FOXI1: variants seen among roughly 807,000 people sequenced by gnomAD.
FOXI1 encodes the protein forkhead box I1, also known as forkhead box protein I1.
FOXI1 carries 11 observed loss-of-function variants against 16.4 expected under a neutral mutation model. The observed-to-expected ratio is 0.67, with a 90% confidence interval of 0.42 to 1.11. The LOEUF is 1.11. Ranked by LOEUF, FOXI1 falls within the 50% of genes least tolerant of loss-of-function variation. The probability of loss-of-function intolerance (pLI) is 0.00; values close to 1 mark genes in which losing one functional copy is unlikely to be tolerated. For synonymous variants in FOXI1, 218 were observed against 211.5 expected, an observed-to-expected ratio of 1.03 and a Z score of -0.27; for missense variants, 480 against 506.1, an observed-to-expected ratio of 0.95 and a Z score of 0.49.
Position 170,106,131 on chromosome 5 carries a change from C to T in FOXI1, c.174C>T (p.Thr58=). 6.2e-7 allele frequency: 1 copy of T among 1,611,236 alleles called. No homozygotes were observed. Among genetic ancestry groups the T allele is most frequent in the Middle Eastern group, 1.7e-4 (1 of 6,052 alleles). ...SFEGGGEYGA[T]PNPYLWFNGP... is the part of the protein sequence containing the mutation. Reference sequence around the variant, plus strand: ...AGGGGGGCGGCGAGTATGGGGCCACCCCCAACCCCTACCTCTGGTTCAACG... The same window carrying T: ...AGGGGGGCGGCGAGTATGGGGCCACTCCCAACCCCTACCTCTGGTTCAACG... The change falls in exon 1 of 2, where the codon ACC becomes ACT. Residue 58 remains threonine (T), a synonymous_variant. Transcript: ENST00000306268.
rs775439463 is a variant in FOXI1 at position 170,106,552 on chromosome 5, G to C, written c.574+21G>C. ...CCCGGGTAAGGAGGCTTTGAGTGTG[G>C]GGGGTGTCCCCAAGGAAGACTCACT... On this transcript the variant is annotated intron_variant, in intron 1 of 1. Transcript: ENST00000306268. The C allele has an allele frequency of 4.3e-6, 7 of 1,614,076 alleles. No individual in the cohort carries two copies. In the East Asian group the frequency reaches 1.6e-4, roughly 36 times the overall value.
At chr5:170,107,888 G>A (rs1758540631) in intron 1 of FOXI1, among the ~76,000 whole-genome samples, 161 bp from the exon 2 acceptor site, 1 of 152,200 alleles carries the variant, frequency 6.6e-6, no homozygotes, top group African/African-American at 2.4e-5. Context: ...GAGGTGGTGT[G>A]GTTCATCAGT....
In FOXI1 at chr5:170,109,603, C is replaced by A. The variant is rs1235674320; in HGVS notation, c.*992C>A. 6.6e-6 allele frequency: 1 copy of A among 152,088 alleles called. No individual in the cohort carries two copies. Among genetic ancestry groups the A allele is most frequent in the Non-Finnish European group, 1.5e-5 (1 of 68,032 alleles). The allele number at this position is 152,088 out of a possible 1,614,324, so 9.4% of individuals were successfully genotyped here. On this transcript the variant is annotated 3_prime_UTR_variant, in exon 2 of 2. Transcript: ENST00000306268. ...GAAAACAATGGCCTCAAGGGAGGGG[C>A]CTTGGGCCCACCCTCACAGGGGGTC...
chr5:170,105,925 C>T lies in FOXI1; in HGVS notation c.-33C>T, dbSNP rs904407958. On this transcript the variant is annotated 5_prime_UTR_variant, in exon 1 of 2. Coordinates refer to ENST00000306268, the MANE Select transcript of FOXI1 (RefSeq NM_012188.5). The stretch of plus-strand genomic sequence containing the variant: ...AGGGGCAGCTCCGGGGTGCAGGTGC[C>T]AGGCAGGTGGCTCCGGCCAGCCCAG... The T allele has an allele frequency of 5.2e-6, 8 of 1,526,806 alleles. No homozygotes were observed. Among genetic ancestry groups the T allele is most frequent in the South Asian group, 3.4e-5 (3 of 87,840 alleles). The allele number at this position is 1,526,806 out of a possible 1,614,324, so 94.6% of individuals were successfully genotyped here. A position where few individuals can be genotyped will look rare whatever the true frequency, so the allele number is the denominator to read the frequency against.
rs961021431 is a variant in FOXI1, at chr5:170,109,542, T to TC, written c.*931_*932insC. On this transcript the variant is annotated 3_prime_UTR_variant, in exon 2 of 2. Transcript: ENST00000306268. ...GAAACAAGGTTGGATAAGCGCTTCC[T>TC]TTTTTTTAGCCCAGGAGAGGTGGAT... 1 of 82,154 alleles carries TC rather than the reference T, an allele frequency of 1.2e-5. No individual in the cohort carries two copies. The highest frequency in any genetic ancestry group is 1.0e-4 in the African/African-American group (1 of 9,722). 5.1% of individuals were successfully genotyped at this position (82,154 alleles called of 1,614,324 possible).
chr5:170,106,328 C>A lies in FOXI1; in HGVS notation c.371C>A (p.Pro124Gln). ...GAGGAGCTGATGAAGCTGGTGCGGC[C>A]ACCCTATTCCTACTCGGCTCTCATC... Reference protein sequence around the residue: ...SQEELMKLVRPPYSYSALIAM... With the variant: ...SQEELMKLVRQPYSYSALIAM... Residue 124 changes from proline to glutamine, a missense_variant, in exon 1 of 2, where the codon CCA (proline) becomes CAA (glutamine). Physicochemically the swap from Pro to Gln is moderately conservative, Grantham distance 76. Transcript: ENST00000306268. 1 of 1,602,244 alleles carries A rather than the reference C, an allele frequency of 6.2e-7. No homozygotes were observed. Among genetic ancestry groups the A allele is most frequent in the Non-Finnish European group, 8.5e-7 (1 of 1,174,196 alleles).
chr5:170,106,263 TG>T lies in FOXI1; in HGVS notation c.312del (p.Ser105AlafsTer14). The T allele has an allele frequency of 1.9e-6, 3 of 1,580,626 alleles. No individual in the cohort carries two copies. Among genetic ancestry groups the T allele is most frequent in the East Asian group, 2.4e-5 (1 of 42,414 alleles). ...CGCTGCTGCCCAGCGTGTCGGGGCT[TG>T]GGGGGAGCGACCTGGGCTGGCTGCC... ...RPLLPSVSGL[G>X]GSDLGWLPIP... On this transcript the variant is annotated frameshift_variant, in exon 1 of 2. Transcript: ENST00000306268. LOFTEE classifies it high-confidence loss of function.
In FOXI1 at chr5:170,106,265, G is replaced by T. The variant is rs370450076; in HGVS notation, c.308G>T (p.Gly103Val). 3.2e-5 allele frequency: 50 copies of T among 1,580,742 alleles called. No individual in the cohort carries two copies. Among genetic ancestry groups the T allele is most frequent in the African/African-American group, 8.1e-5 (6 of 74,048 alleles). ...CTGCTGCCCAGCGTGTCGGGGCTTGGGGGGAGCGACCTGGGCTGGCTGCCC... is the reference window on the plus strand; with the variant it reads ...CTGCTGCCCAGCGTGTCGGGGCTTGTGGGGAGCGACCTGGGCTGGCTGCCC... ...RPLLPSVSGLGGSDLGWLPIP... is the reference protein window; with the variant it reads ...RPLLPSVSGLVGSDLGWLPIP... The change falls in exon 1 of 2, where the codon GGG becomes GTG. Residue 103 changes from glycine (G) to valine (V), a missense_variant. By Grantham distance (109) the Gly-to-Val change is moderately radical (BLOSUM62 -3). Transcript: ENST00000306268.
In FOXI1 at chr5:170,108,030, C is replaced by G; in HGVS notation, c.575-19C>G. On this transcript the variant is annotated intron_variant, in intron 1 of 1. Transcript: ENST00000306268. ...ATTTTGTCCACCTCTCTATTTACCC[C>G]CTTTCACTTTTGTATCAGGCAAAGG... is the stretch of plus-strand genomic sequence containing the variant. 1.3e-6 allele frequency: 2 copies of G among 1,591,922 alleles called. No homozygotes were observed. The highest frequency in any genetic ancestry group is 1.7e-6 in the Non-Finnish European group (2 of 1,160,116).
At chr5:170,107,937 T>C in intron 1 of FOXI1, 112 bp from the exon 2 acceptor site, 1 of 818,478 alleles carries the variant, frequency 1.2e-6, no homozygotes, top group Non-Finnish European at 2.1e-6. Context: ...TGCCTGTCGG[T>C]CTCTGTCTTC....
In FOXI1 at chr5:170,106,030, C is replaced by A. The variant is rs762176954; in HGVS notation, c.73C>A (p.Pro25Thr). 6.2e-7 allele frequency: 1 copy of A among 1,611,762 alleles called. No homozygotes were observed. Among genetic ancestry groups the A allele is most frequent in the Non-Finnish European group, 8.5e-7 (1 of 1,178,322 alleles). ...SPQFPSIGQEPPEMNLYYENF... is the reference protein window; with the variant it reads ...SPQFPSIGQETPEMNLYYENF... Reference sequence around the variant, plus strand: ...CCAGTTCCCCAGCATCGGCCAGGAGCCCCCCGAGATGAACCTCTACTATGA... The same window carrying A: ...CCAGTTCCCCAGCATCGGCCAGGAGACCCCCGAGATGAACCTCTACTATGA... The change falls in exon 1 of 2, where the codon CCC (proline) becomes ACC (threonine). Residue 25 changes from proline (P) to threonine (T), a missense_variant. By Grantham distance (38) the Pro-to-Thr change is conservative. Transcript: ENST00000306268.
chr5:170,107,445 C>T (rs1478757805), intron 1 of FOXI1, among the ~76,000 whole-genome samples: 1 of 152,212 alleles, frequency 6.6e-6, no homozygotes, highest in East Asian at 1.9e-4. Flanking sequence ...TGCCATCACC[C>T]TCAGGCTGAG....
intron 1 of FOXI1, 82 bp downstream of exon 1, chr5:170,106,613 G>T: frequency 6.4e-7 from 1 of 1,567,232 alleles, no homozygotes; most frequent in Non-Finnish European, 8.7e-7. Context: ...AGAAAGTTCT[G>T]ACTAGGGCTG....
In FOXI1 at chr5:170,106,038, G is replaced by A; in HGVS notation, c.81G>A (p.Glu27=). 1.2e-6 allele frequency: 2 copies of A among 1,612,734 alleles called. No homozygotes were observed. The highest frequency in any genetic ancestry group is 1.7e-6 in the Non-Finnish European group (2 of 1,178,988). Residue 27 remains glutamate (E), a synonymous_variant, in exon 1 of 2, where the codon GAG becomes GAA. Coordinates refer to ENST00000306268, the MANE Select transcript of FOXI1 (RefSeq NM_012188.5). The part of the protein sequence containing the change: ...QFPSIGQEPP[E]MNLYYENFFH... ...CCAGCATCGGCCAGGAGCCCCCCGAGATGAACCTCTACTATGAGAACTTCT... is the reference window on the plus strand; with the variant it reads ...CCAGCATCGGCCAGGAGCCCCCCGAAATGAACCTCTACTATGAGAACTTCT...
chr5:170,106,605 A>G, intron 1 of FOXI1, 74 bp downstream of exon 1: 2 of 1,583,498 alleles, frequency 1.3e-6, no homozygotes, highest in Non-Finnish European at 8.6e-7. Flanking sequence ...CCCATTCTAG[A>G]AAGTTCTGAC....
Position 170,106,525 on chromosome 5 carries a change from G to A in FOXI1, c.568G>A (p.Asp190Asn), listed in dbSNP as rs886060398. The change falls in exon 1 of 2, where the codon GAC becomes AAC. Residue 190 changes from aspartate (D) to asparagine (N), a missense_variant. Physicochemically the swap from Asp to Asn is conservative, Grantham distance 23. This residue lies in a region of FOXI1 where 257 missense variants were observed against 262.2 expected (regional missense o/e 0.98). Coordinates refer to ENST00000306268, the MANE Select transcript of FOXI1 (RefSeq NM_012188.5). ...CFKKVPRDED[D>N]PGKGNYWTLD... is the part of the protein sequence containing the mutation. The stretch of plus-strand genomic sequence containing the variant: ...CAAGAAGGTGCCCCGCGACGAGGAC[G>A]ACCCGGGTAAGGAGGCTTTGAGTGT... The A allele has an allele frequency of 1.9e-6, 3 of 1,614,250 alleles. No homozygotes were observed. Among genetic ancestry groups the A allele is most frequent in the East Asian group, 4.5e-5 (2 of 44,878 alleles).
Position 170,108,339 on chromosome 5 carries a change from G to C in FOXI1, c.865G>C (p.Val289Leu), listed in dbSNP as rs914091084. Residue 289 changes from valine to leucine, a missense_variant, in exon 2 of 2, where the codon GTG becomes CTG. Coordinates refer to ENST00000306268, the MANE Select transcript of FOXI1 (RefSeq NM_012188.5). ...NSFLSSMTAYVSGGSPTSHPL... is the reference protein window; with the variant it reads ...NSFLSSMTAYLSGGSPTSHPL... ...CTTCCTTTCCTCTATGACAGCCTAT[G>C]TGAGCGGGGGGAGCCCCACGAGCCA... The C allele has an allele frequency of 6.2e-7, 1 of 1,614,184 alleles. No individual in the cohort carries two copies. The highest frequency in any genetic ancestry group is 8.5e-7 in the Non-Finnish European group (1 of 1,180,026).
Position 170,107,996 on chromosome 5 carries a change from A to G in FOXI1, c.575-53A>G, listed in dbSNP as rs936804450. The G allele has an allele frequency of 1.2e-5, 17 of 1,412,212 alleles. No homozygotes were observed. In the African/African-American group the frequency reaches 2.0e-4, roughly 16 times the overall value. 87.5% of individuals were successfully genotyped at this position (1,412,212 alleles called of 1,614,324 possible). ...AGTTTATGACAATAAGGAGGAACAG[A>G]AGCAAAGCATTTTGTCCACCTCTCT... is the stretch of plus-strand genomic sequence containing the variant. On this transcript the variant is annotated intron_variant, in intron 1 of 1. Coordinates refer to ENST00000306268, the MANE Select transcript of FOXI1 (RefSeq NM_012188.5).
chr5:170,106,093 C>G lies in FOXI1; in HGVS notation c.136C>G (p.Arg46Gly), dbSNP rs761978045. ...FHPQGVPSPQ[R>G]PSFEGGGEYG... The stretch of plus-strand genomic sequence containing the variant: ...CCCACAGGGCGTGCCCAGCCCTCAG[C>G]GGCCCTCCTTCGAGGGGGGCGGCGA... The change falls in exon 1 of 2, where the codon CGG becomes GGG. Residue 46 changes from arginine (R) to glycine (G), a missense_variant. By Grantham distance (125) the Arg-to-Gly change is moderately radical. Around this residue, in one of 3 missense-constraint regions of FOXI1, gnomAD observed 219 missense variants for 222.9 expected, o/e 0.98. Coordinates refer to ENST00000306268, the MANE Select transcript of FOXI1 (RefSeq NM_012188.5). The G allele has an allele frequency of 6.2e-6, 10 of 1,613,334 alleles. No individual in the cohort carries two copies. Among genetic ancestry groups the G allele is most frequent in the Non-Finnish European group, 8.5e-6 (10 of 1,179,576 alleles).
Sources: gnomAD v4.1 joint callset for allele counts (sites outside exome capture counted in the v4.1 genomes callset) on GRCh38, gnomAD v4.1.1 for gene constraint, gnomAD v4.1.1 regional missense constraint, MANE v1.5 for transcripts, NCBI Gene and HGNC (gene_info 2026-07-23, HGNC 2026-07-21) for gene names.